The following HPCAL1 variants were observed in gnomAD, a reference collection of about 807,000 sequenced individuals.
HPCAL1 encodes the protein hippocalcin-like protein 1.
Under a neutral mutation model 17.1 loss-of-function variants are expected in HPCAL1, and 8 were observed. The ratio of observed to expected loss-of-function variants is 0.47; its 90% CI spans 0.27 to 0.84. The LOEUF is 0.84. Ranked by LOEUF, HPCAL1 falls within the 40% of genes least tolerant of loss-of-function variation. The probability of loss-of-function intolerance (pLI) is 0.13; values close to 1 mark genes in which losing one functional copy is unlikely to be tolerated. For missense variants in HPCAL1, 165 were observed against 271.1 expected (o/e 0.61, Z 2.75); for synonymous variants, 112 against 111.4 (o/e 1.01, Z -0.03).
intron 3 of HPCAL1, among the ~76,000 whole-genome samples, chr2:10,421,367 C>T (rs1428977824): frequency 6.6e-6 from 1 of 152,170 alleles, no homozygotes; most frequent in Non-Finnish European, 1.5e-5. Context: ...GAGAGCAGAG[C>T]TGCCCCTCCC....
In HPCAL1 at chr2:10,382,288, A is replaced by G. The variant is rs545948986; in HGVS notation, c.-110-14547A>G. ...GGTTCCTACGGGTTAGGAGGGAGGG[A>G]GGGATGAGCAGGCAGAGCACAGGGC... On this transcript the variant is annotated intron_variant, in intron 1 of 4. Coordinates refer to ENST00000307845, the MANE Select transcript of HPCAL1 (RefSeq NM_002149.4). Among the ~76,000 whole-genome samples the G allele has an allele frequency of 2.4e-3, 362 of 152,248 alleles. 1 individual carries two copies. Among genetic ancestry groups the G allele is most frequent in the Non-Finnish European group, 4.0e-3 (275 of 68,012 alleles).
intron 1 of HPCAL1, among the ~76,000 whole-genome samples, chr2:10,379,871 G>A (rs1196606639): frequency 6.6e-6 from 1 of 152,264 alleles, no homozygotes; most frequent in Non-Finnish European, 1.5e-5. Context: ...CTCAGAACCA[G>A]TGGCTCTTTC....
At chr2:10,346,340 A>T (rs1665448424) in intron 1 of HPCAL1, among the ~76,000 whole-genome samples, 1 of 151,988 alleles carries the variant, frequency 6.6e-6, no homozygotes, top group Admixed American at 6.6e-5. Context: ...TTGGGAGGGG[A>T]TGGAATGGGA....
intron 4 of HPCAL1, chr2:10,424,654 C>T (rs1170071093): frequency 4.3e-6 from 2 of 470,412 alleles, no homozygotes; most frequent in Non-Finnish European, 8.8e-6. Context: ...TGCTAATGTG[C>T]CTGCTGGGAT....
intron 1 of HPCAL1, among the ~76,000 whole-genome samples, chr2:10,375,718 C>G (rs1667514304): frequency 6.6e-6 from 1 of 152,196 alleles, no homozygotes; most frequent in Non-Finnish European, 1.5e-5. Flanking sequence ...ATACCTTTCT[C>G]TGAGAGTTGA....
intron 1 of HPCAL1, among the ~76,000 whole-genome samples, chr2:10,334,192 A>C (rs1307324424): frequency 6.6e-6 from 1 of 152,366 alleles, no homozygotes; most frequent in Non-Finnish European, 1.5e-5. Context: ...AGAAATACTC[A>C]TAAATGGTGG....
At chr2:10,382,381 C>A (rs761709873) in intron 1 of HPCAL1, among the ~76,000 whole-genome samples, 1 of 152,012 alleles carries the variant, frequency 6.6e-6, no homozygotes, top group South Asian at 2.1e-4. Context: ...GCACAGTTGT[C>A]AAAACCCATA....
At chr2:10,303,528 G>A (rs932379633) in intron 1 of HPCAL1, among the ~76,000 whole-genome samples, 3 of 152,200 alleles carry the variant, frequency 2.0e-5, no homozygotes, top group African/African-American at 7.2e-5. Context: ...TGGCGGGGTG[G>A]GTGTGGGTGG....
chr2:10,381,119 C>T (rs1667914631), intron 1 of HPCAL1, among the ~76,000 whole-genome samples: 1 of 152,164 alleles, frequency 6.6e-6, no homozygotes, highest in African/African-American at 2.4e-5. Flanking sequence ...CAGAGTGGGG[C>T]CCCAGGATGC....
rs1666670632 is a variant in HPCAL1, at chr2:10,363,808, A to G, written c.-110-33027A>G. On this transcript the variant is annotated intron_variant, in intron 1 of 4. Coordinates refer to ENST00000307845, the MANE Select transcript of HPCAL1 (RefSeq NM_002149.4). The surrounding 1 kb of genome is among the most constrained non-coding windows in gnomAD (Gnocchi z 4.7). ...TGGGCTGCGTGACCTTGGATGAGTTATTTCCCATCTCTGAGCCTTGGTTCT... is the reference window on the plus strand; with the variant it reads ...TGGGCTGCGTGACCTTGGATGAGTTGTTTCCCATCTCTGAGCCTTGGTTCT... Among the ~76,000 whole-genome samples, 1 of 152,138 alleles carries G rather than the reference A, an allele frequency of 6.6e-6. No individual in the cohort carries two copies. Among genetic ancestry groups the G allele is most frequent in the African/African-American group, 2.4e-5 (1 of 41,422 alleles).
chr2:10,401,867 C>A (rs1166347243), intron 2 of HPCAL1, among the ~76,000 whole-genome samples: 1 of 152,130 alleles, frequency 6.6e-6, no homozygotes, highest in Non-Finnish European at 1.5e-5. Flanking sequence ...AAGCCCGGCG[C>A]CAGGCTCAGA....
At chr2:10,418,808 C>T (rs528552394) in intron 2 of HPCAL1, among the ~76,000 whole-genome samples, 1 of 152,312 alleles carries the variant, frequency 6.6e-6, no homozygotes, top group Non-Finnish European at 1.5e-5. Flanking sequence ...AGCAGTTCCT[C>T]GTTCCCACAG....
intron 1 of HPCAL1, 42 bp from the exon 2 acceptor site, chr2:10,396,793 G>C (rs569055086): frequency 6.6e-6 from 1 of 152,350 alleles, no homozygotes; most frequent in African/African-American, 2.4e-5. Flanking sequence ...GCTCCGGGCC[G>C]GGTCGTCACA....
intron 2 of HPCAL1, among the ~76,000 whole-genome samples, chr2:10,404,199 T>G (rs1237446609): frequency 6.6e-6 from 1 of 152,126 alleles, no homozygotes; most frequent in Non-Finnish European, 1.5e-5. Context: ...CTACACACTT[T>G]GAAAACACCC....
chr2:10,329,235 T>A (rs905244360), intron 1 of HPCAL1, among the ~76,000 whole-genome samples: 1 of 152,228 alleles, frequency 6.6e-6, no homozygotes, highest in East Asian at 1.9e-4. Context: ...ACCCCTCAGA[T>A]GCTCACATCC....
intron 1 of HPCAL1, among the ~76,000 whole-genome samples, chr2:10,320,535 G>A (rs543323071): frequency 1.6e-4 from 24 of 152,358 alleles, no homozygotes; most frequent in Middle Eastern, 3.4e-3. Flanking sequence ...TGTGCAGTAT[G>A]TGGAACCGTG....
In HPCAL1 at chr2:10,304,702, A is replaced by G. The variant is rs1483693589; in HGVS notation, c.-111+1525A>G. Among the ~76,000 whole-genome samples the G allele has an allele frequency of 1.3e-5, 2 of 152,238 alleles. No individual in the cohort carries two copies. Among genetic ancestry groups the G allele is most frequent in the Non-Finnish European group, 2.9e-5 (2 of 68,040 alleles). ...GCCTCGGCGCTGGCTCGGACGCAGC[A>G]AGGCCAGCTCTAGGGGTCGGGTGGC... On this transcript the variant is annotated intron_variant, in intron 1 of 4. Coordinates refer to ENST00000307845, the MANE Select transcript of HPCAL1 (RefSeq NM_002149.4). This position sits in a 1 kb window ranked among gnomAD's most constrained non-coding sequence, Gnocchi z 4.1.
At chr2:10,333,570 C>G (rs563494141) in intron 1 of HPCAL1, among the ~76,000 whole-genome samples, 2 of 152,322 alleles carry the variant, frequency 1.3e-5, no homozygotes, top group South Asian at 2.1e-4. Context: ...TGGAATTGCT[C>G]TGTGCTCTCA....
At chr2:10,398,742 G>A (rs1214594322) in intron 2 of HPCAL1, among the ~76,000 whole-genome samples, 1 of 152,184 alleles carries the variant, frequency 6.6e-6, no homozygotes, top group African/African-American at 2.4e-5. Flanking sequence ...TCCTCTTCCT[G>A]AGGGAGGCGA....
Sources: gnomAD v4.1 joint callset for allele counts (sites outside exome capture counted in the v4.1 genomes callset) on GRCh38, gnomAD v4.1.1 for gene constraint, Gnocchi (gnomAD v3.1) non-coding constraint, MANE v1.5 for transcripts, NCBI Gene and HGNC (gene_info 2026-07-23, HGNC 2026-07-21) for gene names.